The following B4GALT1 variants were observed in gnomAD, a reference collection of about 807,000 sequenced individuals.
B4GALT1 encodes N-acetyllactosamine synthase.
B4GALT1 carries 16 observed loss-of-function variants against 34.9 expected under a neutral mutation model. The ratio of observed to expected loss-of-function variants is 0.46; its 90% CI spans 0.31 to 0.70. B4GALT1 has a LOEUF of 0.70. Ranked by LOEUF, B4GALT1 falls within the 30% of genes least tolerant of loss-of-function variation. The pLI is 0.05. For missense variants in B4GALT1, 445 were observed against 530.5 expected (o/e 0.84, Z 1.58); for synonymous variants, 221 against 218.1 (o/e 1.01, Z -0.12).
chr9:33,113,619 A>C, intron 5 of B4GALT1, 33 bp from the exon 6 acceptor site: 1 of 1,614,034 alleles, frequency 6.2e-7, no homozygotes, highest in Non-Finnish European at 8.5e-7. Flanking sequence ...AGATTGTCTT[A>C]AAACAAAAAT....
In B4GALT1 at chr9:33,113,823, G is replaced by A. The variant is rs778179705; in HGVS notation, c.1015C>T (p.Arg339Cys). The A allele has an allele frequency of 3.1e-6, 5 of 1,614,088 alleles. No individual in the cohort carries two copies. Among genetic ancestry groups the A allele is most frequent in the South Asian group, 2.2e-5 (2 of 91,060 alleles). Reference sequence around the variant, plus strand: ...TTGTCTCTTGAGTGGCGGATCATGCGACACCTCCCGACCACAGCATTTGGG... The same window carrying A: ...TTGTCTCTTGAGTGGCGGATCATGCAACACCTCCCGACCACAGCATTTGGG... ...SRPNAVVGRCRMIRHSRDKKN... is the reference protein window; with the variant it reads ...SRPNAVVGRCCMIRHSRDKKN... Residue 339 changes from arginine (R) to cysteine (C), a missense_variant, in exon 5 of 6, where the codon CGC becomes TGC. Arg to Cys is a radical substitution (Grantham distance 180). This residue lies in a region of B4GALT1 where 89 missense variants were observed against 107.6 expected (regional missense o/e 0.83). Transcript: ENST00000379731.
intron 1 of B4GALT1, among the ~76,000 whole-genome samples, chr9:33,163,958 G>C (rs912384341): frequency 6.6e-6 from 1 of 152,098 alleles, no homozygotes. Context: ...GTGGGGGCGG[G>C]GGGTACTATG....
At chr9:33,178,842 A>T in the B4GALT1 span, 1 of 152,270 alleles carries the variant, frequency 6.6e-6, no homozygotes, top group African/African-American at 2.4e-5. Flanking sequence ...TGCTTAGCAA[A>T]TAACGACCAA....
intron 1 of B4GALT1, among the ~76,000 whole-genome samples, chr9:33,152,805 C>T (rs1045292028): frequency 1.1e-4 from 16 of 151,926 alleles, no homozygotes; most frequent in South Asian, 2.1e-4. Flanking sequence ...ACCTGGGAGG[C>T]GGTGGTTGCA....
chr9:33,152,353 A>G (rs1587746567), intron 1 of B4GALT1, among the ~76,000 whole-genome samples: 1 of 122,346 alleles, frequency 8.2e-6, no homozygotes, highest in East Asian at 4.1e-4. Context: ...ACATAACATA[A>G]CATAACATAA....
chr9:33,171,878 G>A (rs1840844869), upstream of B4GALT1, among the ~76,000 whole-genome samples: 2 of 152,132 alleles, frequency 1.3e-5, no homozygotes, highest in Admixed American at 6.5e-5. Context: ...GATGGGAGGA[G>A]GGACAAAGAA....
intron 1 of B4GALT1, among the ~76,000 whole-genome samples, chr9:33,137,125 C>G (rs17327324): frequency 0.013 from 1,986 of 152,260 alleles, 24 homozygotes; most frequent in Non-Finnish European, 0.018. Context: ...CCACTAAAAC[C>G]TCCAGTGGCT....
upstream of B4GALT1, among the ~76,000 whole-genome samples, chr9:33,171,381 G>T (rs2118375569): frequency 6.6e-6 from 1 of 152,320 alleles, no homozygotes; most frequent in Admixed American, 6.5e-5. Flanking sequence ...CCATGTGGCT[G>T]CTTGGGTTTC....
chr9:33,116,742 C>T (rs1250362795), intron 3 of B4GALT1, among the ~76,000 whole-genome samples: 1 of 151,724 alleles, frequency 6.6e-6, no homozygotes. Context: ...AGGCTGGTCT[C>T]GAACTCCTGA....
chr9:33,114,858 C>A (rs1462025310), intron 4 of B4GALT1, among the ~76,000 whole-genome samples: 1 of 152,204 alleles, frequency 6.6e-6, no homozygotes, highest in Non-Finnish European at 1.5e-5. Flanking sequence ...CACCACCCAT[C>A]CTTCTAGTGC....
chr9:33,104,757 A>G (rs1489229475), exon 3 of B4GALT1: 2 of 455,622 alleles, frequency 4.4e-6, no homozygotes, highest in South Asian at 1.5e-5. Context: ...AGCCTTCACC[A>G]CAGGAGTCTT....
the B4GALT1 span, among the ~76,000 whole-genome samples, chr9:33,184,255 C>G: frequency 1.6e-4 from 7 of 42,886 alleles, no homozygotes; most frequent in African/African-American, 3.7e-4. Context: ...CACTCTTGTA[C>G]ACACACACAC....
intron 1 of B4GALT1, among the ~76,000 whole-genome samples, chr9:33,163,845 G>A (rs1260509256): frequency 6.6e-6 from 1 of 152,206 alleles, no homozygotes; most frequent in Non-Finnish European, 1.5e-5. Flanking sequence ...CTACCTGGGA[G>A]GATTCCCTGG....
At chr9:33,153,530 A>T (rs1316512908) in intron 1 of B4GALT1, among the ~76,000 whole-genome samples, 1 of 152,212 alleles carries the variant, frequency 6.6e-6, no homozygotes, top group East Asian at 1.9e-4. Flanking sequence ...TGAAAGAGGG[A>T]CTATCCCTAC....
intron 2 of B4GALT1, among the ~76,000 whole-genome samples, chr9:33,128,123 C>T (rs938758836): frequency 4.6e-5 from 7 of 151,940 alleles, no homozygotes; most frequent in African/African-American, 9.7e-5. Context: ...CTCTAGGAGG[C>T]GGAAAGTACA....
At chr9:33,113,973 C>A in intron 4 of B4GALT1, 95 bp from the exon 5 acceptor site, 1 of 1,139,078 alleles carries the variant, frequency 8.8e-7, no homozygotes, top group Non-Finnish European at 1.3e-6. Context: ...CCACCATCAC[C>A]CTTGCTGTTC....
chr9:33,172,973 T>G, the B4GALT1 span, among the ~76,000 whole-genome samples: 1 of 151,724 alleles, frequency 6.6e-6, no homozygotes, highest in Non-Finnish European at 1.5e-5. Context: ...GCAAAGAGGG[T>G]CAAAGCCCAG....
rs1840316706 is a variant in B4GALT1, at chr9:33,139,413, C to T, written c.413-3989G>A. Among the ~76,000 whole-genome samples the T allele has an allele frequency of 2.6e-5, 4 of 152,340 alleles. No individual in the cohort carries two copies. The South Asian group carries it at 6.2e-4, about 24-fold the overall frequency. On this transcript the variant is annotated intron_variant, in intron 1 of 5. Transcript: ENST00000379731. ...CCTTGCACAACCCCCATCATGCTTC[C>T]AACACACTGAGACACCTTGACCCCC...
intron 1 of B4GALT1, among the ~76,000 whole-genome samples, chr9:33,139,046 G>A (rs1050394048): frequency 1.1e-4 from 16 of 152,150 alleles, no homozygotes; most frequent in African/African-American, 3.6e-4. Flanking sequence ...CACAGAAGCC[G>A]ATCGAGCACC....
Sources: gnomAD v4.1 joint callset for allele counts (sites outside exome capture counted in the v4.1 genomes callset) on GRCh38, gnomAD v4.1.1 for gene constraint, gnomAD v4.1.1 regional missense constraint, MANE v1.5 for transcripts, NCBI Gene and HGNC (gene_info 2026-07-23, HGNC 2026-07-21) for gene names.